PCDHGB2: variants seen among roughly 807,000 people sequenced by gnomAD.
PCDHGB2 encodes the protein protocadherin gamma-B2.
PCDHGB2 carries 55 observed loss-of-function variants against 59.3 expected under a neutral mutation model. The ratio of observed to expected loss-of-function variants is 0.93; its 90% CI spans 0.75 to 1.16. The LOEUF is 1.16. Among genes scored for constraint, PCDHGB2 ranks in the 50% most tolerant of loss-of-function variants. The pLI is 0.00. For missense variants in PCDHGB2, 1,228 were observed against 1,198.5 expected (o/e 1.02, Z -0.36); for synonymous variants, 516 against 512.0 (o/e 1.01, Z -0.11).
chr5:141,481,868 C>A (rs983373194), intron 1 of PCDHGB2, among the ~76,000 whole-genome samples: 4 of 147,412 alleles, frequency 2.7e-5, no homozygotes, highest in African/African-American at 1.0e-4. Flanking sequence ...GAGCCGAGAT[C>A]GCGCCACTGC....
chr5:141,455,377 CAGAA>C (rs2098820699), intron 1 of PCDHGB2, among the ~76,000 whole-genome samples: 1 of 151,970 alleles, frequency 6.6e-6, no homozygotes, highest in Admixed American at 6.6e-5. Flanking sequence ...AGGGAGAAGA[CAGAA>C]GGAAGGAGCT....
chr5:141,427,467 T>TC, intron 1 of PCDHGB2: 1 of 508,052 alleles, frequency 2.0e-6, no homozygotes. Flanking sequence ...AATCGAATCT[T>TC]CCGCCAATAA....
chr5:141,385,560 T>C (rs920911668), intron 1 of PCDHGB2: 33 of 1,307,128 alleles, frequency 2.5e-5, no homozygotes, highest in Non-Finnish European at 3.0e-5. Context: ...ATTTTATAAT[T>C]TCCACCTACT....
intron 1 of PCDHGB2, chr5:141,372,119 C>T (rs568477128): frequency 1.2e-6 from 2 of 1,613,802 alleles, no homozygotes; most frequent in East Asian, 2.2e-5. Context: ...CTGCGCTCTT[C>T]GATATGGTGC....
chr5:141,371,636 G>A, intron 1 of PCDHGB2: 4 of 1,614,044 alleles, frequency 2.5e-6, no homozygotes, highest in African/African-American at 2.7e-5. Context: ...ACCGGGAGCA[G>A]ATCCCAGAAT....
chr5:141,445,303 G>A (rs145466142), intron 1 of PCDHGB2, among the ~76,000 whole-genome samples: 327 of 152,332 alleles, frequency 2.1e-3, no homozygotes, highest in African/African-American at 7.6e-3. Context: ...ATTCTCTTCA[G>A]TTTGTAGGTT....
Position 141,489,653 on chromosome 5 carries a change from G to C in PCDHGB2, c.2422-5154G>C. ...TCTCCTAGCTTTGCCACCCCTGAGCGAGAGATGCGCATCTCAGAATCAGCA... is the reference window on the plus strand; with the variant it reads ...TCTCCTAGCTTTGCCACCCCTGAGCCAGAGATGCGCATCTCAGAATCAGCA... On this transcript the variant is annotated intron_variant, in intron 1 of 3. Coordinates refer to ENST00000522605, the MANE Select transcript of PCDHGB2 (RefSeq NM_018923.3). The surrounding 1 kb of genome is among the most constrained non-coding windows in gnomAD (Gnocchi z 4.5). 3 of 1,614,164 alleles carry C rather than the reference G, an allele frequency of 1.9e-6. No individual in the cohort carries two copies. The highest frequency in any genetic ancestry group is 2.5e-6 in the Non-Finnish European group (3 of 1,180,018).
chr5:141,395,547 TGTGTGTGTGTGTGTGTGTGTGTG>T, intron 1 of PCDHGB2: 1 of 173,894 alleles, frequency 5.8e-6, no homozygotes, highest in Non-Finnish European at 1.2e-5. Context: ...ATTGTTTGTG[TGTGTGTGTGTGTGTGTGTGTGTG>T]TGTGTGTGTG....
chr5:141,507,619 G>T (rs1237918589), intron 3 of PCDHGB2, among the ~76,000 whole-genome samples: 22 of 152,256 alleles, frequency 1.4e-4, no homozygotes, highest in Admixed American at 1.4e-3. Context: ...ATATTTAGCT[G>T]TTGTGGCCTT....
Position 141,360,246 on chromosome 5 carries a change from T to C in PCDHGB2, c.111T>C (p.Ile37=). Reference sequence around the variant, plus strand: ...TCCCAGTCCAGATCCGCTATTCAATTCCAGAGGAGCTGGCCAAAAACTCGG... The same window carrying C: ...TCCCAGTCCAGATCCGCTATTCAATCCCAGAGGAGCTGGCCAAAAACTCGG... ...GALPVQIRYS[I]PEELAKNSVV... Residue 37 remains isoleucine, a synonymous_variant, in exon 1 of 4, where the codon ATT becomes ATC. Coordinates refer to ENST00000522605, the MANE Select transcript of PCDHGB2 (RefSeq NM_018923.3). 1 of 1,613,890 alleles carries C rather than the reference T, an allele frequency of 6.2e-7. No homozygotes were observed. The highest frequency in any genetic ancestry group is 1.7e-5 in the Admixed American group (1 of 60,020).
intron 3 of PCDHGB2, among the ~76,000 whole-genome samples, chr5:141,510,230 G>A (rs1285202719): frequency 2.7e-5 from 4 of 149,638 alleles, no homozygotes; most frequent in Non-Finnish European, 5.9e-5. Context: ...CCGGGATCGC[G>A]CCACTGCACT....
chr5:141,405,407 C>G, intron 1 of PCDHGB2: 2 of 1,582,052 alleles, frequency 1.3e-6, no homozygotes, highest in Non-Finnish European at 1.7e-6. Flanking sequence ...TCTTTCTTTT[C>G]TTTTTTTGTT....
intron 1 of PCDHGB2, chr5:141,377,280 AT>A (rs1037514714): frequency 2.0e-5 from 3 of 151,272 alleles, no homozygotes; most frequent in East Asian, 1.9e-4. Context: ...GGGAAAAAAA[AT>A]AACCTTAATT....
Position 141,491,935 on chromosome 5 carries a change from C to A in PCDHGB2, c.2422-2872C>A. 1 of 1,205,518 alleles carries A rather than the reference C, an allele frequency of 8.3e-7. No homozygotes were observed. Among genetic ancestry groups the A allele is most frequent in the South Asian group, 1.7e-5 (1 of 59,176 alleles). 74.7% of individuals were successfully genotyped at this position (1,205,518 alleles called of 1,614,324 possible). On this transcript the variant is annotated intron_variant, in intron 1 of 3. Transcript: ENST00000522605. The surrounding 1 kb of genome is among the most constrained non-coding windows in gnomAD (Gnocchi z 6.9). ...GACTGTGGGCGAGGGGAGGTGGGACCGACCCCCACCCCTACACTCAAAAAA... is the reference window on the plus strand; with the variant it reads ...GACTGTGGGCGAGGGGAGGTGGGACAGACCCCCACCCCTACACTCAAAAAA...
Position 141,360,820 on chromosome 5 carries a change from C to T in PCDHGB2, c.685C>T (p.Arg229Ter). Residue 229 changes from arginine to a stop codon, truncating the protein, a stop_gained, in exon 1 of 4, where the codon CGA becomes TGA. Coordinates refer to ENST00000522605, the MANE Select transcript of PCDHGB2 (RefSeq NM_018923.3). LOFTEE classifies it high-confidence loss of function. ...DPPQSGTTQIRIKVTDANDNP... is the reference protein window; with the variant it reads ...DPPQSGTTQI ...ACCTCAAAGTGGCACGACCCAAATCCGAATCAAAGTCACGGATGCCAACGA... is the reference window on the plus strand; with the variant it reads ...ACCTCAAAGTGGCACGACCCAAATCTGAATCAAAGTCACGGATGCCAACGA... 1 of 1,613,944 alleles carries T rather than the reference C, an allele frequency of 6.2e-7. No homozygotes were observed. Among genetic ancestry groups the T allele is most frequent in the Middle Eastern group, 1.6e-4 (1 of 6,062 alleles).
rs994881086 is a variant in PCDHGB2, at chr5:141,417,704, A to C, written c.2421+55148A>C. 1.0e-4 allele frequency: 125 copies of C among 1,207,342 alleles called. 3 individuals are homozygous for C. In the East Asian group the frequency reaches 2.7e-3, roughly 26 times the overall value. The allele number at this position is 1,207,342 out of a possible 1,614,324, so 74.8% of individuals were successfully genotyped here. Reference sequence around the variant, plus strand: ...CAGAAAAGAAAACCAGCTCCCACACAGAGGCTCCCGGCTGCGCAGACCTTG... The same window carrying C: ...CAGAAAAGAAAACCAGCTCCCACACCGAGGCTCCCGGCTGCGCAGACCTTG... On this transcript the variant is annotated intron_variant, in intron 1 of 3. Transcript: ENST00000522605.
rs749095017 is a variant in PCDHGB2, at chr5:141,489,455, G to A, written c.2422-5352G>A. 1 of 1,614,042 alleles carries A rather than the reference G, an allele frequency of 6.2e-7. No homozygotes were observed. ...CTGCAATTGGGCTCTGAGGAGAATGGGCGCTATTTTTCCCTGAGCTTGATG... is the reference window on the plus strand; with the variant it reads ...CTGCAATTGGGCTCTGAGGAGAATGAGCGCTATTTTTCCCTGAGCTTGATG... On this transcript the variant is annotated intron_variant, in intron 1 of 3. Coordinates refer to ENST00000522605, the MANE Select transcript of PCDHGB2 (RefSeq NM_018923.3). This position sits in a 1 kb window ranked among gnomAD's most constrained non-coding sequence, Gnocchi z 4.5.
intron 1 of PCDHGB2, among the ~76,000 whole-genome samples, chr5:141,456,911 C>T (rs1262649726): frequency 2.0e-5 from 3 of 151,928 alleles, no homozygotes; most frequent in Non-Finnish European, 4.4e-5. Flanking sequence ...TGCAGTGAGC[C>T]GAGATCGCAC....
At chr5:141,376,085 A>T (rs777795289) in intron 1 of PCDHGB2, 1 of 1,613,530 alleles carries the variant, frequency 6.2e-7, no homozygotes. Flanking sequence ...GGCCGACAGG[A>T]TCCCCGACAT....
Sources: gnomAD v4.1 joint callset for allele counts (sites outside exome capture counted in the v4.1 genomes callset) on GRCh38, gnomAD v4.1.1 for gene constraint, Gnocchi (gnomAD v3.1) non-coding constraint, MANE v1.5 for transcripts, NCBI Gene and HGNC (gene_info 2026-07-23, HGNC 2026-07-21) for gene names.